Variants in TBC1D7 observed in about 807,000 individuals in gnomAD.
The protein encoded by TBC1D7 is TBC domain family 7.
Under a neutral mutation model 35.3 loss-of-function variants are expected in TBC1D7, and 33 were observed. The ratio of observed to expected loss-of-function variants is 0.93; its 90% CI spans 0.71 to 1.25. The LOEUF (loss-of-function observed/expected upper bound fraction) is 1.25, where lower values mean the gene tolerates loss of function less well. Ranked by LOEUF, TBC1D7 falls within the 50% of genes most tolerant of loss-of-function variation. The pLI is 0.00. For synonymous variants in TBC1D7, 135 were observed against 129.5 expected (o/e 1.04, Z -0.29); for missense variants, 362 against 365.3 (o/e 0.99, Z 0.07).
chr6:13,326,834 A>G lies in TBC1D7; in HGVS notation c.65T>C (p.Val22Ala). The change falls in exon 2 of 8, where the codon GTT (valine) becomes GCT (alanine). Residue 22 changes from valine to alanine, a missense_variant. Physicochemically the swap from Val to Ala is moderately conservative, Grantham distance 64. Transcript: ENST00000379300. ...AATTTCTAATGATTTCTTTTCTTCA[A>G]CTCCACGAAACCCCACTTTCTCATA... is the stretch of plus-strand genomic sequence containing the variant. ...VYYEKVGFRGVEEKKSLEILL... is the reference protein window; with the variant it reads ...VYYEKVGFRGAEEKKSLEILL... 1 of 1,613,224 alleles carries G rather than the reference A, an allele frequency of 6.2e-7. No homozygotes were observed. The highest frequency in any genetic ancestry group is 8.5e-7 in the Non-Finnish European group (1 of 1,179,704).
chr6:13,305,236 C>G (rs1464052141), intron 7 of TBC1D7, 49 bp from the exon 8 acceptor site: 1 of 1,541,892 alleles, frequency 6.5e-7, no homozygotes, highest in Non-Finnish European at 9.0e-7. Flanking sequence ...TTGACAACTT[C>G]AGTGTCTTCC....
intron 5 of TBC1D7, among the ~76,000 whole-genome samples, chr6:13,311,767 G>A (rs563071422): frequency 6.6e-6 from 1 of 152,190 alleles, no homozygotes; most frequent in Admixed American, 6.5e-5. Flanking sequence ...AAAGAAAAAG[G>A]CAAGCTCAAG....
chr6:13,317,489 G>A (rs773468159), intron 4 of TBC1D7, among the ~76,000 whole-genome samples: 8 of 152,134 alleles, frequency 5.3e-5, no homozygotes, highest in East Asian at 1.9e-4. Flanking sequence ...AAAAAGTACC[G>A]ACTTAAATCA....
At position 13,307,671 on chromosome 6, in the gene TBC1D7, C is replaced by T. The variant is rs34393712; in HGVS notation, c.594G>A (p.Ala198=). Residue 198 remains alanine (A), a synonymous_variant, in exon 6 of 8, where the codon GCG becomes GCA. Transcript: ENST00000379300. ...LLTHLRMCSA[A]PKLPYDLWFK... Reference sequence around the variant, plus strand: ...ACCAGAGATCATAAGGAAGTTTGGGCGCCGCGGAACACATCCTCAGATGAG... The same window carrying T: ...ACCAGAGATCATAAGGAAGTTTGGGTGCCGCGGAACACATCCTCAGATGAG... The T allele has an allele frequency of 2.8e-3, 4,497 of 1,614,084 alleles. 111 individuals carry two copies. The African/African-American group carries it at 0.052, about 19-fold the overall frequency.
Position 13,326,858 on chromosome 6 carries a change from T to C in TBC1D7, c.41A>G (p.Tyr14Cys). 6.2e-7 allele frequency: 1 copy of C among 1,612,756 alleles called. No individual in the cohort carries two copies. The highest frequency in any genetic ancestry group is 8.5e-7 in the Non-Finnish European group (1 of 1,179,554). ...AACTCCACGAAACCCCACTTTCTCA[T>C]AATATACTGAACGAAAGTTTCTCTG... ...DSQRNFRSVY[Y>C]EKVGFRGVEE... Residue 14 changes from tyrosine (Y) to cysteine (C), a missense_variant, in exon 2 of 8, where the codon TAT (tyrosine) becomes TGT (cysteine). Physicochemically the swap from Tyr to Cys is radical, Grantham distance 194. Transcript: ENST00000379300.
At chr6:13,305,472 A>T in intron 7 of TBC1D7, 1 of 477,800 alleles carries the variant, frequency 2.1e-6, no homozygotes, top group Non-Finnish European at 3.8e-6. Flanking sequence ...GGGAAATGAT[A>T]GCCTGACTTC....
chr6:13,316,873 G>C (rs1200535188), intron 4 of TBC1D7, among the ~76,000 whole-genome samples, 165 bp from the exon 5 acceptor site: 2 of 152,152 alleles, frequency 1.3e-5, no homozygotes, highest in Non-Finnish European at 2.9e-5. Flanking sequence ...GGGGAGCAAG[G>C]GGGAGAAAAA....
intron 5 of TBC1D7, among the ~76,000 whole-genome samples, chr6:13,309,093 T>A (rs1256780204): frequency 6.6e-6 from 1 of 152,224 alleles, no homozygotes; most frequent in Non-Finnish European, 1.5e-5. Context: ...TTATCCAACC[T>A]CCCTATACTG....
At chr6:13,314,376 T>C (rs1274251517) in intron 5 of TBC1D7, among the ~76,000 whole-genome samples, 1 of 152,322 alleles carries the variant, frequency 6.6e-6, no homozygotes, top group African/African-American at 2.4e-5. Flanking sequence ...TTCATCTGAA[T>C]TGCTGAATTT....
chr6:13,314,314 T>G (rs987648961), intron 5 of TBC1D7, among the ~76,000 whole-genome samples: 1 of 151,674 alleles, frequency 6.6e-6, no homozygotes, highest in Non-Finnish European at 1.5e-5. Context: ...GAAGGAGAAG[T>G]AGGGAATTGC....
chr6:13,310,869 A>T (rs939748636), intron 5 of TBC1D7, among the ~76,000 whole-genome samples: 1 of 152,112 alleles, frequency 6.6e-6, no homozygotes, highest in Non-Finnish European at 1.5e-5. Context: ...GAAGGAGCTA[A>T]TATTTATATT....
chr6:13,315,373 T>C lies in TBC1D7; in HGVS notation c.519+1198A>G, dbSNP rs138572415. ...TCCTTATGATTTTCTTAACATTTTC[T>C]TTTCTCTAGCTTACCTCATTACAGG... On this transcript the variant is annotated intron_variant, in intron 5 of 7. Coordinates refer to ENST00000379300, the MANE Select transcript of TBC1D7 (RefSeq NM_016495.6). 1.5e-4 allele frequency among the ~76,000 whole-genome samples: 23 copies of C among 152,360 alleles called. No individual in the cohort carries two copies. In the East Asian group the frequency reaches 4.4e-3, roughly 29 times the overall value.
intron 2 of TBC1D7, 36 bp downstream of exon 2, chr6:13,326,751 T>A (rs1784430829): frequency 8.9e-6 from 12 of 1,354,500 alleles, no homozygotes; most frequent in Non-Finnish European, 1.3e-5. Flanking sequence ...GTGGAGTGAT[T>A]GAGAACCAAT....
intron 5 of TBC1D7, among the ~76,000 whole-genome samples, chr6:13,315,609 T>A (rs1039977055): frequency 2.6e-5 from 4 of 152,034 alleles, no homozygotes; most frequent in African/African-American, 9.7e-5. Context: ...CCCACTTACT[T>A]GGGAGGCTAA....
In TBC1D7 at chr6:13,326,838, C is replaced by T. The variant is rs907610694; in HGVS notation, c.61G>A (p.Gly21Arg). Residue 21 changes from glycine to arginine, a missense_variant, in exon 2 of 8, where the codon GGA becomes AGA. Physicochemically the swap from Gly to Arg is moderately radical, Grantham distance 125 (BLOSUM62 -2). Transcript: ENST00000379300. The part of the protein sequence containing the change: ...SVYYEKVGFR[G>R]VEEKKSLEIL... ...TCTAATGATTTCTTTTCTTCAACTC[C>T]ACGAAACCCCACTTTCTCATAATAT... is the stretch of plus-strand genomic sequence containing the variant. 31 of 1,613,182 alleles carry T rather than the reference C, an allele frequency of 1.9e-5. No individual in the cohort carries two copies. Among genetic ancestry groups the T allele is most frequent in the Non-Finnish European group, 2.6e-5 (31 of 1,179,684 alleles).
At chr6:13,324,976 G>T in intron 3 of TBC1D7, 118 bp downstream of exon 3, 1 of 670,068 alleles carries the variant, frequency 1.5e-6, no homozygotes. Flanking sequence ...TCCTGGGGAA[G>T]ATCCAATATT....
At position 13,326,922 on chromosome 6, in the gene TBC1D7, G is replaced by A. The variant is rs1784441546; in HGVS notation, c.-8-16C>T. 1.4e-6 allele frequency: 2 copies of A among 1,416,218 alleles called. No homozygotes were observed. The highest frequency in any genetic ancestry group is 2.0e-6 in the Non-Finnish European group (2 of 1,013,370). The allele number at this position is 1,416,218 out of a possible 1,614,324, so 87.7% of individuals were successfully genotyped here. On this transcript the variant is annotated splice_polypyrimidine_tract_variant and intron_variant, in intron 1 of 7. Transcript: ENST00000379300. The stretch of plus-strand genomic sequence containing the variant: ...ATATTTCATTCTTGGAGGAGACACA[G>A]AAAGACAGAAAGGGAGAGAAAGACG...
chr6:13,316,707 T>G lies in TBC1D7; in HGVS notation c.383A>C (p.Glu128Ala), dbSNP rs1225416541. The change falls in exon 5 of 8, where the codon GAG becomes GCG. Residue 128 changes from glutamate (E) to alanine (A), a missense_variant and splice_region_variant. Transcript: ENST00000379300. ...KLPRSPSFPL[E>A]PDDEVFLAIA... Reference sequence around the variant, plus strand: ...GGCAAGAAACACTTCATCATCTGGCTCCTGAAAGATTAATAATAAATCTCA... The same window carrying G: ...GGCAAGAAACACTTCATCATCTGGCGCCTGAAAGATTAATAATAAATCTCA... 6.2e-7 allele frequency: 1 copy of G among 1,613,450 alleles called. No individual in the cohort carries two copies. The highest frequency in any genetic ancestry group is 1.1e-5 in the South Asian group (1 of 90,888).
chr6:13,315,845 T>C (rs1783569181), intron 5 of TBC1D7, among the ~76,000 whole-genome samples: 1 of 152,240 alleles, frequency 6.6e-6, no homozygotes, highest in Non-Finnish European at 1.5e-5. Flanking sequence ...AAAAGTTATA[T>C]GCAGAGTATC....
Sources: allele counts gnomAD v4.1 joint callset (sites outside exome capture counted in the v4.1 genomes callset), GRCh38; gene constraint gnomAD v4.1.1; transcripts MANE v1.5; gene names NCBI Gene and HGNC (gene_info 2026-07-23, HGNC 2026-07-21).